Variants in LEPROTL1 observed in about 807,000 individuals in gnomAD.
The protein encoded by LEPROTL1 is leptin receptor overlapping transcript-like 1.
LEPROTL1 carries 6 observed loss-of-function variants against 15.4 expected under a neutral mutation model. That is an observed-to-expected ratio of 0.39 (90% CI 0.21 to 0.77). The LOEUF is 0.77. LEPROTL1 is among the 30% of genes least tolerant of loss of function. The pLI, the probability that LEPROTL1 is intolerant of heterozygous loss-of-function variation, is 0.41. For missense variants in LEPROTL1, 128 were observed against 158.1 expected, an observed-to-expected ratio of 0.81 and a Z score of 1.02; for synonymous variants, 56 against 52.6, an observed-to-expected ratio of 1.06 and a Z score of -0.28.
chr8:30,130,249 G>A (rs1238262958), intron 3 of LEPROTL1, among the ~76,000 whole-genome samples: 1 of 152,080 alleles, frequency 6.6e-6, no homozygotes, highest in African/African-American at 2.4e-5. Context: ...CAAATACAAA[G>A]TTTGTTTTTT....
In LEPROTL1 at chr8:30,105,793, C is replaced by G. The variant is rs368909987; in HGVS notation, c.327C>G (p.Ile109Met). 1 of 1,588,718 alleles carries G rather than the reference C, an allele frequency of 6.3e-7. No individual in the cohort carries two copies. The highest frequency in any genetic ancestry group is 8.6e-7 in the Non-Finnish European group (1 of 1,166,618). Residue 109 changes from isoleucine to methionine, a missense_variant, in exon 4 of 4, where the codon ATC becomes ATG. Physicochemically the swap from Ile to Met is conservative, Grantham distance 10 (BLOSUM62 1). Transcript: ENST00000321250. ...TTGTTCTCACAGGAAACACAGTCATCTTTGCAACTATACTAGGCTTTTTCT... is the reference window on the plus strand; with the variant it reads ...TTGTTCTCACAGGAAACACAGTCATGTTTGCAACTATACTAGGCTTTTTCT... ...CALVLTGNTV[I>M]FATILGFFLV...
intron 3 of LEPROTL1, chr8:30,132,019 G>A (rs1240971747): frequency 3.2e-6 from 5 of 1,551,914 alleles, no homozygotes; most frequent in South Asian, 2.4e-5. Flanking sequence ...ACTGTTGTAC[G>A]AATTACAGAG....
Position 30,106,435 on chromosome 8 carries a change from T to C in LEPROTL1, c.*573T>C, listed in dbSNP as rs1019887391. On this transcript the variant is annotated 3_prime_UTR_variant, in exon 4 of 4. Coordinates refer to ENST00000321250, the MANE Select transcript of LEPROTL1 (RefSeq NM_015344.3). ...TTTATACCTCAGAGGGGCCAAGTGT[T>C]AATGCCCATGCCCTCCGTTAAGGGT... 1 of 985,812 alleles carries C rather than the reference T, an allele frequency of 1.0e-6. No homozygotes were observed. The highest frequency in any genetic ancestry group is 5.2e-4 in the Middle Eastern group (1 of 1,914). The allele number at this position is 985,812 out of a possible 1,614,324, so 61.1% of individuals were successfully genotyped here.
At chr8:30,098,333 A>T (rs1417850342) in intron 1 of LEPROTL1, among the ~76,000 whole-genome samples, 1 of 152,226 alleles carries the variant, frequency 6.6e-6, no homozygotes, top group Non-Finnish European at 1.5e-5. Flanking sequence ...AGCATAGATG[A>T]TTCTTTAAAA....
intron 3 of LEPROTL1, 79 bp downstream of exon 3, chr8:30,104,565 G>T: frequency 2.2e-6 from 2 of 894,804 alleles, no homozygotes; most frequent in South Asian, 5.0e-5. Context: ...TTTTGTTAAT[G>T]ACATGAAAAG....
intron 3 of LEPROTL1, among the ~76,000 whole-genome samples, chr8:30,131,124 C>G (rs1356280823): frequency 6.6e-6 from 1 of 151,380 alleles, no homozygotes; most frequent in Non-Finnish European, 1.5e-5. Flanking sequence ...TGGGGTCTCC[C>G]TCTGTCAACC....
chr8:30,113,378 C>T (rs1802683996), downstream of LEPROTL1, among the ~76,000 whole-genome samples: 4 of 152,262 alleles, frequency 2.6e-5, no homozygotes, highest in South Asian at 8.3e-4. Flanking sequence ...AAAACGAAAA[C>T]ATACGGGATC....
chr8:30,132,054 G>A (rs1398437924), intron 3 of LEPROTL1: 5 of 1,551,674 alleles, frequency 3.2e-6, no homozygotes, highest in Non-Finnish European at 4.4e-6. Flanking sequence ...AGAGACTCCT[G>A]ACCTCCACAG....
rs1238741227 is a variant in LEPROTL1 at position 30,102,424 on chromosome 8, G to C, written c.92+451G>C. 2.6e-5 allele frequency among the ~76,000 whole-genome samples: 4 copies of C among 152,150 alleles called. No individual in the cohort carries two copies. The East Asian group carries it at 5.8e-4, about 22-fold the overall frequency. ...CCAGCATTTTGGGAGACCAAGGCGG[G>C]AGGATTGCCTGAGGTCAGGAGTTCA... On this transcript the variant is annotated intron_variant, in intron 2 of 3. Coordinates refer to ENST00000321250, the MANE Select transcript of LEPROTL1 (RefSeq NM_015344.3).
intron 3 of LEPROTL1, among the ~76,000 whole-genome samples, chr8:30,118,495 T>A (rs1802776729): frequency 6.6e-6 from 1 of 152,166 alleles, no homozygotes; most frequent in Admixed American, 6.5e-5. Context: ...CAGTAAGGTG[T>A]CAACAGGTTC....
chr8:30,107,481 G>A lies in LEPROTL1; in HGVS notation c.*1619G>A, dbSNP rs1487186777. 2 of 985,682 alleles carry A rather than the reference G, an allele frequency of 2.0e-6. No homozygotes were observed. Among genetic ancestry groups the A allele is most frequent in the African/African-American group, 3.5e-5 (2 of 57,216 alleles). The allele number at this position is 985,682 out of a possible 1,614,324, so 61.1% of individuals were successfully genotyped here. ...TTGTTTTATGAAGTTTATTTCTCAAGAAAATGGGAATAAATTTGGGATTTG... is the reference window on the plus strand; with the variant it reads ...TTGTTTTATGAAGTTTATTTCTCAAAAAAATGGGAATAAATTTGGGATTTG... On this transcript the variant is annotated 3_prime_UTR_variant, in exon 4 of 4. Coordinates refer to ENST00000321250, the MANE Select transcript of LEPROTL1 (RefSeq NM_015344.3).
At chr8:30,113,861 G>T (rs1802692242) in intron 3 of LEPROTL1, among the ~76,000 whole-genome samples, 1 of 152,066 alleles carries the variant, frequency 6.6e-6, no homozygotes, top group African/African-American at 2.4e-5. Context: ...CAAATTCAGA[G>T]AACTCACCAC....
At chr8:30,111,407 T>C (rs1029513545), downstream of LEPROTL1, among the ~76,000 whole-genome samples, 1 of 152,352 alleles carries the variant, frequency 6.6e-6, no homozygotes, top group African/African-American at 2.4e-5. Context: ...TTCAAAAATA[T>C]ATACATTTAA....
intron 3 of LEPROTL1, chr8:30,105,093 C>CTAAA (rs1452871332): frequency 6.6e-6 from 1 of 152,194 alleles, no homozygotes; most frequent in Non-Finnish European, 1.5e-5. Context: ...CCTGTAAAAC[C>CTAAA]TAAAATATGG....
At chr8:30,097,411 A>C (rs1235013474) in intron 1 of LEPROTL1, among the ~76,000 whole-genome samples, 1 of 151,982 alleles carries the variant, frequency 6.6e-6, no homozygotes, top group African/African-American at 2.4e-5. Context: ...GGTGGCTCAC[A>C]CCTGTAATCC....
chr8:30,114,272 T>C (rs1468644970), intron 3 of LEPROTL1, among the ~76,000 whole-genome samples: 1 of 126,780 alleles, frequency 7.9e-6, no homozygotes, highest in Non-Finnish European at 1.7e-5. Flanking sequence ...TCTTACATGA[T>C]ATTTTTTTGT....
chr8:30,137,707 A>G, downstream of LEPROTL1: 2 of 579,080 alleles, frequency 3.5e-6, no homozygotes, highest in Admixed American at 3.1e-5. Flanking sequence ...TCATTTTGGG[A>G]GGAACTTAGT....
chr8:30,100,654 C>T (rs1585461519), intron 1 of LEPROTL1, among the ~76,000 whole-genome samples: 1 of 152,196 alleles, frequency 6.6e-6, no homozygotes, highest in African/African-American at 2.4e-5. Context: ...TTTCACCATA[C>T]TGACCAGGCT....
At chr8:30,102,552 T>C (rs958510129) in intron 2 of LEPROTL1, among the ~76,000 whole-genome samples, 1 of 151,158 alleles carries the variant, frequency 6.6e-6, no homozygotes, top group African/African-American at 2.4e-5. Flanking sequence ...CTCGGGAGGC[T>C]GAGGCAGGAG....
Sources: gnomAD v4.1 joint callset for allele counts (sites outside exome capture counted in the v4.1 genomes callset) on GRCh38, gnomAD v4.1.1 for gene constraint, MANE v1.5 for transcripts, NCBI Gene and HGNC (gene_info 2026-07-23, HGNC 2026-07-21) for gene names.